The following ADAMTS12 variants were observed in gnomAD, a reference collection of about 807,000 sequenced individuals.
ADAMTS12 encodes A disintegrin and metalloproteinase with thrombospondin motifs 12.
Under a neutral mutation model 167.8 loss-of-function variants are expected in ADAMTS12, and 118 were observed. The observed-to-expected ratio is 0.70, with a 90% CI of 0.61 to 0.82. The LOEUF (loss-of-function observed/expected upper bound fraction) is 0.82. ADAMTS12 is among the 40% of genes least tolerant of loss of function. ADAMTS12 has a pLI of 0.00. For synonymous variants in ADAMTS12, 704 were observed against 716.9 expected (o/e 0.98, Z 0.29); for missense variants, 1,916 against 1,998.8 (o/e 0.96, Z 0.79).
intron 5 of ADAMTS12, among the ~76,000 whole-genome samples, chr5:33,680,247 T>A (rs1451818432): frequency 6.6e-6 from 1 of 152,176 alleles, no homozygotes; most frequent in Non-Finnish European, 1.5e-5. Context: ...GTGATTGTGA[T>A]GGAGTCAGGG....
chr5:33,560,538 T>C (rs1443489773), intron 20 of ADAMTS12, among the ~76,000 whole-genome samples: 3 of 152,018 alleles, frequency 2.0e-5, no homozygotes, highest in East Asian at 1.9e-4. Flanking sequence ...CCAGCAATGA[T>C]AGACTGGATT....
At chr5:33,750,853 C>A (rs1170545462) in intron 3 of ADAMTS12, among the ~76,000 whole-genome samples, 1 of 152,196 alleles carries the variant, frequency 6.6e-6, no homozygotes, top group Non-Finnish European at 1.5e-5. Context: ...ACTGCAGACA[C>A]AACACTGTGT....
chr5:33,853,502 G>A (rs897649168), intron 2 of ADAMTS12, among the ~76,000 whole-genome samples: 1 of 152,180 alleles, frequency 6.6e-6, no homozygotes, highest in Non-Finnish European at 1.5e-5. Context: ...TAGGGGAGCA[G>A]AAAAGGATGA....
In ADAMTS12 at chr5:33,754,509, T is replaced by C. The variant is rs188604664; in HGVS notation, c.490-2961A>G. Among the ~76,000 whole-genome samples the C allele has an allele frequency of 2.3e-3, 354 of 152,308 alleles. 1 individual carries two copies. The highest frequency in any genetic ancestry group is 0.017 in the Middle Eastern group (5 of 294). On this transcript the variant is annotated intron_variant, in intron 2 of 23. Coordinates refer to ENST00000504830, the MANE Select transcript of ADAMTS12 (RefSeq NM_030955.4). Reference sequence around the variant, plus strand: ...CCAGGAGTCTCTGCATACTGCTAACTGTCTTTTGGAAATAAACTCACCTAC... The same window carrying C: ...CCAGGAGTCTCTGCATACTGCTAACCGTCTTTTGGAAATAAACTCACCTAC...
chr5:33,763,462 C>A (rs1198045167), intron 2 of ADAMTS12, among the ~76,000 whole-genome samples: 1 of 152,170 alleles, frequency 6.6e-6, no homozygotes, highest in African/African-American at 2.4e-5. Context: ...GCCATGGCAA[C>A]ATTTGATTTT....
intron 5 of ADAMTS12, among the ~76,000 whole-genome samples, chr5:33,676,707 C>CAGAGAG (rs66523760): frequency 6.7e-6 from 1 of 149,018 alleles, no homozygotes; most frequent in Non-Finnish European, 1.5e-5. Flanking sequence ...CACACACACA[C>CAGAGAG]AGAGAGAGAG....
intron 2 of ADAMTS12, among the ~76,000 whole-genome samples, chr5:33,835,234 G>A (rs1748462551): frequency 1.3e-5 from 2 of 152,130 alleles, no homozygotes. Flanking sequence ...AAAAGGCAGG[G>A]GGGCCATGTC....
chr5:33,559,520 A>G (rs963254435), intron 20 of ADAMTS12, among the ~76,000 whole-genome samples: 7 of 152,234 alleles, frequency 4.6e-5, no homozygotes, highest in African/African-American at 1.7e-4. Context: ...ACAAGGAACT[A>G]TGGAGACAGC....
intron 9 of ADAMTS12, among the ~76,000 whole-genome samples, chr5:33,645,121 G>T (rs1410819578): frequency 6.6e-6 from 1 of 151,040 alleles, no homozygotes; most frequent in African/African-American, 2.4e-5. Context: ...GGCATCCATG[G>T]TATCTCCAGG....
At chr5:33,738,852 G>A (rs192843024) in intron 3 of ADAMTS12, among the ~76,000 whole-genome samples, 3 of 152,326 alleles carry the variant, frequency 2.0e-5, no homozygotes, top group African/African-American at 4.8e-5. Flanking sequence ...AGAGGATGGC[G>A]TGGGGAGAAG....
intron 2 of ADAMTS12, among the ~76,000 whole-genome samples, chr5:33,873,692 T>A (rs1417556119): frequency 6.6e-6 from 1 of 152,186 alleles, no homozygotes; most frequent in Admixed American, 6.5e-5. Flanking sequence ...GACCATGTGA[T>A]ATTAGTGAAA....
intron 18 of ADAMTS12, among the ~76,000 whole-genome samples, chr5:33,586,662 A>T (rs986081377): frequency 6.6e-6 from 1 of 152,246 alleles, no homozygotes; most frequent in Non-Finnish European, 1.5e-5. Flanking sequence ...ATTCTACATG[A>T]CAAGAATTAT....
chr5:33,701,477 G>A (rs556975388), intron 3 of ADAMTS12, among the ~76,000 whole-genome samples: 10 of 152,124 alleles, frequency 6.6e-5, no homozygotes, highest in Non-Finnish European at 1.3e-4. Context: ...AAGCTCAAAG[G>A]GGAGTGCCGT....
chr5:33,885,424 G>A (rs115828027), intron 1 of ADAMTS12, among the ~76,000 whole-genome samples: 3,818 of 152,144 alleles, frequency 0.025, 56 homozygotes, highest in Middle Eastern at 0.048. Context: ...AGCCGAGATC[G>A]TGCCACTGCA....
chr5:33,526,395 C>T lies in ADAMTS12; in HGVS notation c.*793G>A, dbSNP rs1743812638. On this transcript the variant is annotated 3_prime_UTR_variant, in exon 24 of 24. Coordinates refer to ENST00000504830, the MANE Select transcript of ADAMTS12 (RefSeq NM_030955.4). The stretch of plus-strand genomic sequence containing the variant: ...CAGGAAAGTGGGAAGAATAAAGGCC[C>T]ACAGTTCCTTTTCTGTAATATTAAG... The T allele has an allele frequency of 6.6e-6, 1 of 152,184 alleles. No homozygotes were observed. Among genetic ancestry groups the T allele is most frequent in the Non-Finnish European group, 1.5e-5 (1 of 68,020 alleles). 9.4% of individuals were successfully genotyped at this position (152,184 alleles called of 1,614,324 possible).
chr5:33,813,943 G>A (rs542519862), intron 2 of ADAMTS12, among the ~76,000 whole-genome samples: 8 of 152,334 alleles, frequency 5.3e-5, no homozygotes, highest in African/African-American at 1.9e-4. Flanking sequence ...TTTGTTATGA[G>A]GCAATAGGTA....
intron 2 of ADAMTS12, among the ~76,000 whole-genome samples, chr5:33,784,310 C>T (rs895631325): frequency 6.6e-6 from 1 of 151,772 alleles, no homozygotes; most frequent in Non-Finnish European, 1.5e-5. Context: ...CAAATATGTC[C>T]CCTCTCACTA....
intron 1 of ADAMTS12, among the ~76,000 whole-genome samples, chr5:33,888,447 G>A (rs1750719097): frequency 6.6e-6 from 1 of 152,194 alleles, no homozygotes; most frequent in East Asian, 1.9e-4. Flanking sequence ...TAACTGTATA[G>A]ATTATTATAA....
chr5:33,596,062 T>C lies in ADAMTS12; in HGVS notation c.2528-2A>G. On this transcript the variant is annotated splice_acceptor_variant, in intron 16 of 23. Coordinates refer to ENST00000504830, the MANE Select transcript of ADAMTS12 (RefSeq NM_030955.4). LOFTEE classifies it high-confidence loss of function. ...AATGGGCAGTTTGGCGGCGGATACC[T>C]GGGGGTCAGACAGAAAGATTCACAC... 6.2e-7 allele frequency: 1 copy of C among 1,613,770 alleles called. No individual in the cohort carries two copies. Among genetic ancestry groups the C allele is most frequent in the Non-Finnish European group, 8.5e-7 (1 of 1,179,832 alleles).
Sources: allele counts gnomAD v4.1 joint callset (sites outside exome capture counted in the v4.1 genomes callset), GRCh38; gene constraint gnomAD v4.1.1; transcripts MANE v1.5; gene names NCBI Gene and HGNC (gene_info 2026-07-23, HGNC 2026-07-21).